NPTN: variants seen among roughly 807,000 people sequenced by gnomAD.
NPTN encodes neuroplastin.
In NPTN, 5 loss-of-function variants were observed where a neutral mutation model predicts 42.7. The observed-to-expected ratio is 0.12, with a 90% CI of 0.06 to 0.25. The LOEUF is 0.25. NPTN is among the 10% of genes least tolerant of loss of function. The pLI is 1.00. For synonymous variants in NPTN, 180 were observed against 201.9 expected (o/e 0.89, Z 0.92); for missense variants, 307 against 525.4 (o/e 0.58, Z 4.06).
intron 6 of NPTN, chr15:73,565,670 C>T (rs528557629): frequency 1.3e-5 from 6 of 444,506 alleles, no homozygotes; most frequent in African/African-American, 1.2e-4. Flanking sequence ...CTGTTCTCTC[C>T]ACCTCAGTAT....
At chr15:73,614,765 G>C (rs976332138) in intron 1 of NPTN, among the ~76,000 whole-genome samples, 8 of 152,142 alleles carry the variant, frequency 5.3e-5, no homozygotes, top group Admixed American at 1.3e-4. Flanking sequence ...GTTAATAAAT[G>C]TATAATAAAT....
intron 4 of NPTN, among the ~76,000 whole-genome samples, chr15:73,583,623 C>CTGAA (rs1896170013): frequency 6.6e-6 from 1 of 152,156 alleles, no homozygotes; most frequent in Non-Finnish European, 1.5e-5. Context: ...GGTTTTTGGG[C>CTGAA]TGAAGTTAAT....
At position 73,569,328 on chromosome 15, in the gene NPTN, T is replaced by C. The variant is rs547768946; in HGVS notation, c.1114+822A>G. Reference sequence around the variant, plus strand: ...CACCAAAAATTTCCCAAGGCTTTTCTGACTCTAGGCATATCCAATAACCTA... The same window carrying C: ...CACCAAAAATTTCCCAAGGCTTTTCCGACTCTAGGCATATCCAATAACCTA... On this transcript the variant is annotated intron_variant, in intron 6 of 8. Transcript: ENST00000345330. This position sits in a 1 kb window ranked among gnomAD's most constrained non-coding sequence, Gnocchi z 4.1. The C allele has an allele frequency of 1.5e-5, 15 of 985,606 alleles. No homozygotes were observed. In the African/African-American group the frequency reaches 1.7e-4, roughly 11 times the overall value. The allele number at this position is 985,606 out of a possible 1,614,324, so 61.1% of individuals were successfully genotyped here. A position where few individuals can be genotyped will look rare whatever the true frequency, so the allele number is the denominator to read the frequency against.
At chr15:73,599,449 A>G (rs113703386) in intron 1 of NPTN, 16,481 of 152,140 alleles carry the variant, frequency 0.11, 1,153 homozygotes, top group African/African-American at 0.2. Flanking sequence ...CCCCGTCTCT[A>G]CTATAAACAC....
chr15:73,611,683 T>C (rs1205479739), intron 1 of NPTN, among the ~76,000 whole-genome samples: 1 of 152,194 alleles, frequency 6.6e-6, no homozygotes, highest in Non-Finnish European at 1.5e-5. Flanking sequence ...TATGTAATTA[T>C]ATATTTCTCA....
At chr15:73,580,441 A>ATTAT in intron 4 of NPTN, among the ~76,000 whole-genome samples, 1 of 113,908 alleles carries the variant, frequency 8.8e-6, no homozygotes, top group South Asian at 2.5e-4. Flanking sequence ...TAATATATAT[A>ATTAT]ATATATATGT....
chr15:73,610,410 T>C (rs1467587132), intron 1 of NPTN, among the ~76,000 whole-genome samples: 1 of 152,232 alleles, frequency 6.6e-6, no homozygotes, highest in Non-Finnish European at 1.5e-5. Flanking sequence ...TTTACTTCTA[T>C]GAGATCAACT....
Position 73,587,612 on chromosome 15 carries a change from AT to A in NPTN, c.617del (p.Asn206IlefsTer29). The A allele has an allele frequency of 6.2e-7, 1 of 1,611,912 alleles. No individual in the cohort carries two copies. Among genetic ancestry groups the A allele is most frequent in the Non-Finnish European group, 8.5e-7 (1 of 1,177,936 alleles). On this transcript the variant is annotated frameshift_variant, in exon 4 of 9. Transcript: ENST00000345330. LOFTEE classifies it high-confidence loss of function. ...CGCCTGAATCCTCAGCTCTCGGCTT[AT>A]TGATCCTGCAGAGATGAGAAGAAAA... ...KNASNMEYRINKPRAEDSGEY... is the reference protein window; with the variant it reads ...KNASNMEYRIXKPRAEDSGEY...
intron 7 of NPTN, among the ~76,000 whole-genome samples, chr15:73,562,197 T>A (rs1277628292): frequency 6.6e-6 from 1 of 152,190 alleles, no homozygotes; most frequent in Non-Finnish European, 1.5e-5. Context: ...TGAATTTTTT[T>A]AGATTTTGGA....
intron 4 of NPTN, among the ~76,000 whole-genome samples, chr15:73,586,934 G>A (rs1025316697): frequency 1.3e-5 from 2 of 152,186 alleles, no homozygotes; most frequent in Non-Finnish European, 2.9e-5. Flanking sequence ...TGAAATTTAT[G>A]ATGTTGGGTA....
intron 4 of NPTN, among the ~76,000 whole-genome samples, chr15:73,579,644 A>C (rs1368817447): frequency 6.6e-6 from 1 of 151,774 alleles, no homozygotes; most frequent in Non-Finnish European, 1.5e-5. Context: ...AACAGTCTTC[A>C]CTCCTGCCTT....
chr15:73,592,800 GAATTGCACTTTAA>G, intron 2 of NPTN, among the ~76,000 whole-genome samples: 1 of 152,166 alleles, frequency 6.6e-6, no homozygotes, highest in South Asian at 2.1e-4. Flanking sequence ...GTTGTTTTCA[GAATTGCACTTTAA>G]AACACATTCC....
At chr15:73,592,353 C>T (rs1185170895) in intron 2 of NPTN, among the ~76,000 whole-genome samples, 1 of 152,162 alleles carries the variant, frequency 6.6e-6, no homozygotes, top group African/African-American at 2.4e-5. Context: ...AGCCTGAAGA[C>T]CAGTTGGCCT....
intron 6 of NPTN, chr15:73,567,668 C>T (rs1464093101): frequency 2.0e-6 from 2 of 985,202 alleles, no homozygotes; most frequent in Non-Finnish European, 2.4e-6. Context: ...AGAAGAAAAG[C>T]GGGCAGGGGT....
chr15:73,563,517 A>G (rs1894812066), intron 6 of NPTN: 6 of 1,293,950 alleles, frequency 4.6e-6, no homozygotes, highest in Non-Finnish European at 4.9e-6. Flanking sequence ...AAAAACTGCA[A>G]CTGTAGCGGA....
At chr15:73,563,345 T>C (rs918862134) in intron 6 of NPTN, 88 bp from the exon 7 acceptor site, 17 of 1,575,696 alleles carry the variant, frequency 1.1e-5, no homozygotes, top group African/African-American at 2.7e-5. Context: ...ATTAACAGAA[T>C]AGCAAACTGC....
intron 1 of NPTN, among the ~76,000 whole-genome samples, chr15:73,623,671 A>G (rs937672375): frequency 3.3e-5 from 5 of 152,218 alleles, no homozygotes; most frequent in African/African-American, 1.2e-4. Flanking sequence ...TAGGCAACAG[A>G]GTGAGACCCT....
chr15:73,633,367 T>G lies in NPTN; in HGVS notation c.-152A>C, dbSNP rs1898877840. On this transcript the variant is annotated 5_prime_UTR_variant, in exon 1 of 9. Coordinates refer to ENST00000345330, the MANE Select transcript of NPTN (RefSeq NM_012428.4). Reference sequence around the variant, plus strand: ...GCTCCGTCCTTCCCCGTCCTCCTCCTGCCGCCGCAGCGCCCAGGCCTCGCG... The same window carrying G: ...GCTCCGTCCTTCCCCGTCCTCCTCCGGCCGCCGCAGCGCCCAGGCCTCGCG... 1 of 521,582 alleles carries G rather than the reference T, an allele frequency of 1.9e-6. No homozygotes were observed. The highest frequency in any genetic ancestry group is 3.2e-6 in the Non-Finnish European group (1 of 316,486). The allele number at this position is 521,582 out of a possible 1,614,324, so 32.3% of individuals were successfully genotyped here. A position where few individuals can be genotyped will look rare whatever the true frequency, so the allele number is the denominator to read the frequency against.
chr15:73,601,347 AAAAAGAG>A (rs1397997994), intron 1 of NPTN, among the ~76,000 whole-genome samples: 3 of 152,216 alleles, frequency 2.0e-5, no homozygotes, highest in East Asian at 1.9e-4. Flanking sequence ...AAAGAAAAAG[AAAAAGAG>A]AAAAGAGAAA....
Sources: gnomAD v4.1 joint callset for allele counts (sites outside exome capture counted in the v4.1 genomes callset) on GRCh38, gnomAD v4.1.1 for gene constraint, Gnocchi (gnomAD v3.1) non-coding constraint, MANE v1.5 for transcripts, NCBI Gene and HGNC (gene_info 2026-07-23, HGNC 2026-07-21) for gene names.